Variants in FRMPD4 observed in about 807,000 individuals in gnomAD.
The protein encoded by FRMPD4 is FERM and PDZ domain containing 4, also known as FERM and PDZ domain-containing protein 4.
FRMPD4 carries 22 observed loss-of-function variants against 94.1 expected under a neutral mutation model. That is an observed-to-expected ratio of 0.23 (90% CI 0.17 to 0.33). The LOEUF (loss-of-function observed/expected upper bound fraction) is 0.33. Among genes scored for constraint, FRMPD4 ranks in the 10% least tolerant of loss-of-function variants. The probability of loss-of-function intolerance (pLI) is 1.00; values close to 1 mark genes in which losing one functional copy is unlikely to be tolerated. For synonymous variants in FRMPD4, 631 were observed against 548.6 expected (o/e 1.15, Z -2.10); for missense variants, 1,111 against 1,339.9 (o/e 0.83, Z 2.67).
At chrX:12,570,772 G>C (rs1287954485) in intron 2 of FRMPD4, among the ~76,000 whole-genome samples, 1 of 111,352 alleles carries the variant, frequency 9.0e-6, no homozygotes, top group East Asian at 2.8e-4. Context: ...TAATAACTGA[G>C]AAGGCCACTA....
intron 1 of FRMPD4, among the ~76,000 whole-genome samples, chrX:12,293,687 G>A (rs1019079785): frequency 1.7e-4 from 19 of 112,251 alleles, no homozygotes; most frequent in African/African-American, 5.2e-4. Flanking sequence ...TAAATTTTAT[G>A]TACCATTTTA....
chrX:12,072,375 C>A (rs751629588), intron 3 of FRMPD4, among the ~76,000 whole-genome samples: 2 of 112,231 alleles, frequency 1.8e-5, no homozygotes, highest in Admixed American at 9.4e-5. Context: ...CCATTTCCAT[C>A]TCCATTCCAA....
chrX:12,384,547 G>T (rs1235565373), intron 1 of FRMPD4, among the ~76,000 whole-genome samples: 1 of 111,341 alleles, frequency 9.0e-6, no homozygotes, highest in Non-Finnish European at 1.9e-5. Context: ...TACAATAATG[G>T]AATGTTAGAC....
intron 1 of FRMPD4, among the ~76,000 whole-genome samples, chrX:11,835,945 A>G (rs2053498964): frequency 8.9e-6 from 1 of 112,137 alleles, no homozygotes; most frequent in Non-Finnish European, 1.9e-5. Flanking sequence ...TTACTATTAT[A>G]GTAGATGTGG....
chrX:12,520,889 G>A (rs945478720), intron 2 of FRMPD4, among the ~76,000 whole-genome samples: 9 of 111,871 alleles, frequency 8.0e-5, no homozygotes, highest in Non-Finnish European at 1.5e-4. Flanking sequence ...CAGACCACTT[G>A]GGGAAGAGAT....
chrX:12,632,292 C>T (rs752017382), intron 4 of FRMPD4, among the ~76,000 whole-genome samples: 1 of 111,208 alleles, frequency 9.0e-6, no homozygotes, highest in Admixed American at 9.6e-5. Context: ...GTCCTCATCC[C>T]CGCAAAAGGT....
chrX:11,914,246 T>C (rs768421898), intron 3 of FRMPD4, among the ~76,000 whole-genome samples: 2 of 111,182 alleles, frequency 1.8e-5, no homozygotes, highest in Non-Finnish European at 3.8e-5. Flanking sequence ...CCTTCAATTA[T>C]GATGTCCTTT....
intron 1 of FRMPD4, among the ~76,000 whole-genome samples, chrX:12,221,927 T>C (rs1352406362): frequency 6.2e-5 from 7 of 112,274 alleles, no homozygotes; most frequent in Non-Finnish European, 1.1e-4. Context: ...TTTATGAAGA[T>C]TTTATAATGT....
rs1365090858 is a variant in FRMPD4 at position 12,295,049 on chromosome X, G to T, written c.41+156037G>T. On this transcript the variant is annotated intron_variant, in intron 1 of 16. Transcript: ENST00000675598. ...CCATGAGAAATGGAGTCCTCAAACA[G>T]ACTGGAATGTTCACTTTCTTATATC... 2.7e-5 allele frequency among the ~76,000 whole-genome samples: 3 copies of T among 112,116 alleles called. No homozygotes were observed. In the East Asian group the frequency reaches 8.4e-4, roughly 31 times the overall value.
At chrX:11,860,971 G>A (rs575483984) in intron 1 of FRMPD4, among the ~76,000 whole-genome samples, 1 of 111,688 alleles carries the variant, frequency 9.0e-6, no homozygotes, top group African/African-American at 3.2e-5. Flanking sequence ...CCTTTTAATC[G>A]AGACTCTTGA....
chrX:12,563,273 CAT>C (rs1555985078), intron 2 of FRMPD4, among the ~76,000 whole-genome samples: 4 of 110,476 alleles, frequency 3.6e-5, no homozygotes, highest in Admixed American at 9.6e-5. Context: ...CACACACACA[CAT>C]ACCAGACCTC....
At chrX:11,893,916 A>G (rs150341148) in intron 3 of FRMPD4, among the ~76,000 whole-genome samples, 1,456 of 112,031 alleles carry the variant, frequency 0.013, 7 homozygotes, top group South Asian at 0.019. Context: ...ACTAATCTAT[A>G]TGTTGTTGTG....
At chrX:12,578,368 GT>G (rs764123699) in intron 2 of FRMPD4, among the ~76,000 whole-genome samples, 3 of 111,402 alleles carry the variant, frequency 2.7e-5, no homozygotes, top group East Asian at 2.8e-4. Flanking sequence ...CTAGTTTTAT[GT>G]TTTTTTTATC....
In FRMPD4 at chrX:12,012,583, A is replaced by C. The variant is rs756231555; in HGVS notation, c.95+134565A>C. Among the ~76,000 whole-genome samples the C allele has an allele frequency of 2.1e-4, 24 of 111,998 alleles. No homozygotes were observed. The South Asian group carries it at 9.0e-3, about 42-fold the overall frequency. Reference sequence around the variant, plus strand: ...TGGTTATACCTACCATTCCCTAAAGAATCTTCTATCTCTGGAAACCAGGAA... The same window carrying C: ...TGGTTATACCTACCATTCCCTAAAGCATCTTCTATCTCTGGAAACCAGGAA... On this transcript the variant is annotated intron_variant, in intron 3 of 18. Transcript: ENST00000640291.
intron 4 of FRMPD4, among the ~76,000 whole-genome samples, chrX:12,667,196 C>T (rs1045611259): frequency 7.1e-5 from 8 of 112,650 alleles, no homozygotes; most frequent in Admixed American, 3.8e-4. Context: ...AAAAGCCTAA[C>T]ATTTCACCCT....
At chrX:12,516,123 G>GT (rs2058093226) in intron 2 of FRMPD4, among the ~76,000 whole-genome samples, 1 of 111,675 alleles carries the variant, frequency 9.0e-6, no homozygotes, top group Non-Finnish European at 1.9e-5. Context: ...CTTGAATATT[G>GT]CAAGCTGATG....
chrX:12,250,042 C>G (rs368323069), intron 1 of FRMPD4, among the ~76,000 whole-genome samples: 3 of 70,456 alleles, frequency 4.3e-5, no homozygotes, highest in Middle Eastern at 5.9e-3. Flanking sequence ...CTCTCTCTCT[C>G]TCTCTCTGTG....
intron 1 of FRMPD4, among the ~76,000 whole-genome samples, chrX:11,853,148 G>C (rs1234701043): frequency 1.8e-5 from 2 of 111,813 alleles, no homozygotes; most frequent in East Asian, 5.6e-4. Flanking sequence ...GAATGACATT[G>C]GGGTAAATAA....
At chrX:12,531,674 CAGTT>C (rs1188326201) in intron 2 of FRMPD4, among the ~76,000 whole-genome samples, 1 of 111,441 alleles carries the variant, frequency 9.0e-6, no homozygotes, top group East Asian at 2.8e-4. Context: ...ATTGTTGACA[CAGTT>C]AGGCTGTCAA....
Sources: allele counts gnomAD v4.1 joint callset (sites outside exome capture counted in the v4.1 genomes callset), GRCh38; gene constraint gnomAD v4.1.1; transcripts MANE v1.5; gene names NCBI Gene and HGNC (gene_info 2026-07-23, HGNC 2026-07-21).